MYH11: variants seen among roughly 807,000 people sequenced by gnomAD.
The protein encoded by MYH11 is myosin heavy chain 11, also known as myosin-11.
In MYH11, 80 loss-of-function variants were observed where a neutral mutation model predicts 246.6. The ratio of observed to expected loss-of-function variants is 0.32; its 90% CI spans 0.27 to 0.39. MYH11 has a LOEUF of 0.39. MYH11 is among the 10% of genes least tolerant of loss of function. MYH11 has a pLI of 1.00. For missense variants in MYH11, 2,158 were observed against 2,546.8 expected (o/e 0.85, Z 3.29); for synonymous variants, 1,071 against 1,015.5 (o/e 1.05, Z -1.04).
At chr16:15,766,109 C>G (rs2041974689) in intron 9 of MYH11, among the ~76,000 whole-genome samples, 1 of 152,096 alleles carries the variant, frequency 6.6e-6, no homozygotes, top group South Asian at 2.1e-4. Context: ...TCACCAGATA[C>G]TACTCAATGT....
At chr16:15,822,347 G>A (rs912886266) in intron 3 of MYH11, among the ~76,000 whole-genome samples, 3 of 152,010 alleles carry the variant, frequency 2.0e-5, no homozygotes, top group African/African-American at 7.2e-5. Context: ...GTTTGACTTG[G>A]GGGTGGCTAT....
intron 20 of MYH11, among the ~76,000 whole-genome samples, chr16:15,742,904 C>T (rs2041315067): frequency 6.6e-6 from 1 of 151,114 alleles, no homozygotes; most frequent in Non-Finnish European, 1.5e-5. Context: ...CAGCCTTGAA[C>T]TCCTGGCCTC....
At chr16:15,706,006 TCAAG>T (rs988314469) in intron 40 of MYH11, among the ~76,000 whole-genome samples, 1 of 53,406 alleles carries the variant, frequency 1.9e-5, no homozygotes, top group Non-Finnish European at 3.5e-5. Context: ...AAAAAAAAAA[TCAAG>T]GCCCAGAGAT....
In MYH11 at chr16:15,721,003, C is replaced by T. The variant is rs758102556; in HGVS notation, c.4627G>A (p.Glu1543Lys). 5 of 1,614,134 alleles carry T rather than the reference C, an allele frequency of 3.1e-6. No homozygotes were observed. Among genetic ancestry groups the T allele is most frequent in the South Asian group, 1.1e-5 (1 of 91,076 alleles). ...AGCTCTTCCAGCTGCGTCTTCATCTCCTCCATCTGGGTCTCCAGGGCCCGC... is the reference window on the plus strand; with the variant it reads ...AGCTCTTCCAGCTGCGTCTTCATCTTCTCCATCTGGGTCTCCAGGGCCCGC... The part of the protein sequence containing the change: ...SKRALETQME[E>K]MKTQLEELED... The change falls in exon 33 of 41, where the codon GAG becomes AAG. Residue 1543 changes from glutamate (E) to lysine (K), a missense_variant. Physicochemically the swap from Glu to Lys is moderately conservative, Grantham distance 56. This residue lies in a region of MYH11 where 1,013 missense variants were observed against 993.5 expected (regional missense o/e 1.02). Coordinates refer to ENST00000300036, the MANE Select transcript of MYH11 (RefSeq NM_002474.3).
chr16:15,771,377 T>C (rs2042096005), intron 9 of MYH11, among the ~76,000 whole-genome samples, 192 bp downstream of exon 9: 1 of 151,962 alleles, frequency 6.6e-6, no homozygotes, highest in South Asian at 2.1e-4. Flanking sequence ...CAACCCTAGT[T>C]ATACAGCCAC....
At chr16:15,709,929 A>C (rs1016841144) in intron 40 of MYH11, among the ~76,000 whole-genome samples, 1 of 152,096 alleles carries the variant, frequency 6.6e-6, no homozygotes, top group African/African-American at 2.4e-5. Context: ...CTGGCTTTAG[A>C]GAGGGCTTGT....
intron 27 of MYH11, among the ~76,000 whole-genome samples, chr16:15,727,306 T>G (rs569547577): frequency 6.6e-5 from 10 of 152,202 alleles, no homozygotes; most frequent in Non-Finnish European, 1.2e-4. Flanking sequence ...GTTCAAACTA[T>G]TCTCCTGCCT....
chr16:15,804,321 G>A (rs751500809), intron 3 of MYH11, among the ~76,000 whole-genome samples: 11 of 152,128 alleles, frequency 7.2e-5, no homozygotes, highest in Non-Finnish European at 1.5e-4. Flanking sequence ...TCCTAAAGTC[G>A]GGAGTTTGAG....
rs918422641 is a variant in MYH11, at chr16:15,742,041, C to G, written c.2521-150G>C. 7.9e-6 allele frequency: 10 copies of G among 1,269,626 alleles called. No homozygotes were observed. The South Asian group carries it at 1.3e-4, about 16-fold the overall frequency. 78.6% of individuals were successfully genotyped at this position (1,269,626 alleles called of 1,614,324 possible). On this transcript the variant is annotated intron_variant, in intron 20 of 40. Coordinates refer to ENST00000300036, the MANE Select transcript of MYH11 (RefSeq NM_002474.3). ...TGTCTGGAGACACTGCTGATTGTCACAGCTGGGGTGGGGGGTGCCTCTGGC... is the reference window on the plus strand; with the variant it reads ...TGTCTGGAGACACTGCTGATTGTCAGAGCTGGGGTGGGGGGTGCCTCTGGC...
At chr16:15,730,906 G>A (rs944771610) in intron 27 of MYH11, among the ~76,000 whole-genome samples, 55 of 152,192 alleles carry the variant, frequency 3.6e-4, no homozygotes, top group African/African-American at 1.3e-3. Flanking sequence ...CCAACAACGG[G>A]AGAGTGATTT....
chr16:15,721,763 C>T (rs1052108522), intron 31 of MYH11, 129 bp from the exon 32 acceptor site: 2 of 898,354 alleles, frequency 2.2e-6, no homozygotes, highest in African/African-American at 3.3e-5. Context: ...TGTAGGTTAG[C>T]TATGGGAGTA....
chr16:15,834,112 T>C (rs2151377751), intron 2 of MYH11, among the ~76,000 whole-genome samples: 1 of 152,202 alleles, frequency 6.6e-6, no homozygotes, highest in East Asian at 1.9e-4. Flanking sequence ...GCAGGTGAGA[T>C]GAATACACAG....
At chr16:15,848,164 T>C (rs1474486636) in intron 1 of MYH11, among the ~76,000 whole-genome samples, 1 of 152,070 alleles carries the variant, frequency 6.6e-6, no homozygotes, top group Non-Finnish European at 1.5e-5. Context: ...TGCCAAATTT[T>C]TGAGAAAATT....
chr16:15,755,698 C>T (rs1427394173), intron 14 of MYH11, among the ~76,000 whole-genome samples: 1 of 152,094 alleles, frequency 6.6e-6, no homozygotes, highest in Non-Finnish European at 1.5e-5. Flanking sequence ...CTTGGGAGGC[C>T]GAGGCGGGTG....
At chr16:15,763,741 T>TCCGCCC in intron 10 of MYH11, 55 bp downstream of exon 10, 30 of 646,836 alleles carry the variant, frequency 4.6e-5, no homozygotes, top group Middle Eastern at 2.6e-4. Flanking sequence ...AAATGTCACC[T>TCCGCCC]CCCCCACCCC....
intron 9 of MYH11, among the ~76,000 whole-genome samples, chr16:15,768,222 C>A (rs1293235687): frequency 6.6e-6 from 1 of 152,182 alleles, no homozygotes; most frequent in East Asian, 1.9e-4. Context: ...ACAGGACTTT[C>A]CAACATCAGA....
chr16:15,808,173 G>A (rs1048010044), intron 3 of MYH11, among the ~76,000 whole-genome samples: 3 of 152,254 alleles, frequency 2.0e-5, no homozygotes, highest in Non-Finnish European at 4.4e-5. Flanking sequence ...GCAGATGCCA[G>A]AGGTTCTGGA....
In MYH11 at chr16:15,720,298, C is replaced by G. The variant is rs776321648; in HGVS notation, c.4806G>C (p.Glu1602Asp). The change falls in exon 34 of 41, where the codon GAG becomes GAC. Residue 1602 changes from glutamate (E) to aspartate (D), a missense_variant. Physicochemically the swap from Glu to Asp is conservative, Grantham distance 45 (BLOSUM62 2). This residue lies in a region of MYH11 where 1,013 missense variants were observed against 993.5 expected (regional missense o/e 1.02). Coordinates refer to ENST00000300036, the MANE Select transcript of MYH11 (RefSeq NM_002474.3). ...RQLQRQLHEYETELEDERKQR... is the reference protein window; with the variant it reads ...RQLQRQLHEYDTELEDERKQR... Reference sequence around the variant, plus strand: ...GCTTTCGCTCGTCTTCCAGTTCCGTCTCATACTCGTGAAGCTGGGCGAGGA... The same window carrying G: ...GCTTTCGCTCGTCTTCCAGTTCCGTGTCATACTCGTGAAGCTGGGCGAGGA... 1.2e-6 allele frequency: 2 copies of G among 1,614,100 alleles called. No individual in the cohort carries two copies. Among genetic ancestry groups the G allele is most frequent in the East Asian group, 2.2e-5 (1 of 44,866 alleles).
intron 3 of MYH11, among the ~76,000 whole-genome samples, chr16:15,822,312 T>A (rs925548335): frequency 1.3e-5 from 2 of 152,138 alleles, no homozygotes; most frequent in African/African-American, 4.8e-5. Flanking sequence ...GGTACACTTG[T>A]TTGCATTAAC....
Sources: allele counts gnomAD v4.1 joint callset (sites outside exome capture counted in the v4.1 genomes callset), GRCh38; gene constraint gnomAD v4.1.1; regional missense constraint gnomAD v4.1.1; transcripts MANE v1.5; gene names NCBI Gene and HGNC (gene_info 2026-07-23, HGNC 2026-07-21).